Variants in SERPINI2 observed in about 807,000 individuals in gnomAD.
SERPINI2 encodes serpin family I member 2.
A neutral mutation model predicts 47.3 loss-of-function variants in SERPINI2; 48 were observed. That is an observed-to-expected ratio of 1.02 (90% CI 0.81 to 1.29). SERPINI2 has a LOEUF of 1.29. Among genes scored for constraint, SERPINI2 ranks in the 50% most tolerant of loss-of-function variants. The pLI is 0.00. For synonymous variants in SERPINI2, 135 were observed against 149.3 expected, an observed-to-expected ratio of 0.90 and a Z score of 0.70; for missense variants, 448 against 456.9, an observed-to-expected ratio of 0.98 and a Z score of 0.18.
Position 167,450,808 on chromosome 3 carries a change from C to T in SERPINI2, c.965-1406G>A, listed in dbSNP as rs574193360. On this transcript the variant is annotated intron_variant, in intron 6 of 8. Coordinates refer to ENST00000264677, the Ensembl canonical transcript of SERPINI2. Reference sequence around the variant, plus strand: ...GTTAGGAAGGAGTGAAGAATTTCACCCAGTTTAGCAATGGCACCAGCCCAA... The same window carrying T: ...GTTAGGAAGGAGTGAAGAATTTCACTCAGTTTAGCAATGGCACCAGCCCAA... 1.2e-4 allele frequency among the ~76,000 whole-genome samples: 19 copies of T among 152,078 alleles called. No homozygotes were observed. In the South Asian group the frequency reaches 1.7e-3, roughly 13 times the overall value.
upstream of SERPINI2, chr3:167,474,229 C>A: frequency 1.6e-6 from 1 of 608,054 alleles, no homozygotes; most frequent in African/African-American, 2.0e-5. Context: ...GAGAAAAAAA[C>A]AATTATAGAA....
intron 1 of SERPINI2, 113 bp from the exon 2 acceptor site, chr3:167,471,957 A>G (rs540542584): frequency 7.2e-6 from 5 of 696,868 alleles, no homozygotes; most frequent in African/African-American, 3.6e-5. Flanking sequence ...ACTTACTACC[A>G]CAAGTGAACT....
chr3:167,474,109 T>C (rs1321971610), exon 1 of SERPINI2: 2 of 1,003,830 alleles, frequency 2.0e-6, no homozygotes, highest in Non-Finnish European at 2.4e-6. Context: ...TCCATTTATC[T>C]TGACCATTGC....
chr3:167,472,101 A>C (rs1221417328), intron 1 of SERPINI2, among the ~76,000 whole-genome samples: 1 of 152,136 alleles, frequency 6.6e-6, no homozygotes. Context: ...AAGACACTAC[A>C]ATGTTGGAAT....
intron 5 of SERPINI2, among the ~76,000 whole-genome samples, chr3:167,455,328 A>T (rs13064438): frequency 0.5 from 76,279 of 152,108 alleles, 19,200 homozygotes; most frequent in African/African-American, 0.54. Context: ...AGATCTCACA[A>T]AGGGAAAAGC....
intron 2 of SERPINI2, among the ~76,000 whole-genome samples, chr3:167,468,167 G>A (rs1750198720): frequency 6.6e-6 from 1 of 151,858 alleles, no homozygotes; most frequent in Non-Finnish European, 1.5e-5. Flanking sequence ...GGTTCTTTCT[G>A]GGCCTTCATT....
intron 5 of SERPINI2, among the ~76,000 whole-genome samples, chr3:167,457,012 G>A (rs1749812882): frequency 6.6e-6 from 1 of 152,156 alleles, no homozygotes; most frequent in African/African-American, 2.4e-5. Context: ...GTAAGAAAGT[G>A]GCAGGGCTCT....
At chr3:167,456,016 A>G (rs1239705680) in intron 5 of SERPINI2, among the ~76,000 whole-genome samples, 1 of 152,150 alleles carries the variant, frequency 6.6e-6, no homozygotes, top group East Asian at 1.9e-4. Flanking sequence ...TGTACTGTTC[A>G]GAGCTGGAAC....
exon 9 of SERPINI2, chr3:167,442,069 T>A (rs1749343848): frequency 6.7e-7 from 1 of 1,498,958 alleles, no homozygotes; most frequent in African/African-American, 1.4e-5. Flanking sequence ...ATCAGCTATT[T>A]TTGAGAAATC....
At chr3:167,465,624 C>A (rs767801515) in exon 4 of SERPINI2, 6 of 1,612,564 alleles carry the variant, frequency 3.7e-6, no homozygotes, top group Non-Finnish European at 4.2e-6. Flanking sequence ...CCAGGACAAG[C>A]CGAGTCAGAG....
chr3:167,468,555 A>G (rs1002179581), intron 2 of SERPINI2, among the ~76,000 whole-genome samples: 3 of 152,168 alleles, frequency 2.0e-5, no homozygotes, highest in African/African-American at 7.2e-5. Context: ...ATTATATTTC[A>G]AACTCCAGGA....
rs1322107378 is a variant in SERPINI2, at chr3:167,459,107, C to T, written c.867-6074G>A. Among the ~76,000 whole-genome samples, 544 of 148,866 alleles carry T rather than the reference C, an allele frequency of 3.7e-3. 3 individuals are homozygous for T. The highest frequency in any genetic ancestry group is 0.013 in the African/African-American group (515 of 39,872). The stretch of plus-strand genomic sequence containing the variant: ...TTTTTTTTTTTGAGACGGAGTCTCG[C>T]TCTGTCGCCCAGGCTGGAGTGCAGT... On this transcript the variant is annotated intron_variant, in intron 5 of 8. Coordinates refer to ENST00000264677, the Ensembl canonical transcript of SERPINI2.
chr3:167,462,817 G>T (rs1196959484), intron 5 of SERPINI2, among the ~76,000 whole-genome samples: 1 of 152,134 alleles, frequency 6.6e-6, no homozygotes, highest in Non-Finnish European at 1.5e-5. Context: ...GGGAAGTGTG[G>T]CCCTAGAGTG....
intron 5 of SERPINI2, among the ~76,000 whole-genome samples, chr3:167,461,137 C>A (rs1313467336): frequency 6.6e-6 from 1 of 152,054 alleles, no homozygotes; most frequent in African/African-American, 2.4e-5. Flanking sequence ...TGGTCAGACA[C>A]CACAGAGAAG....
intron 1 of SERPINI2, 175 bp downstream of exon 1, chr3:167,473,828 C>A: frequency 7.2e-7 from 1 of 1,386,656 alleles, no homozygotes. Flanking sequence ...ACTGGATCTT[C>A]TGATTTGTGG....
At chr3:167,449,756 G>T (rs997407693) in intron 6 of SERPINI2, among the ~76,000 whole-genome samples, 2 of 152,188 alleles carry the variant, frequency 1.3e-5, no homozygotes, top group Admixed American at 6.5e-5. Flanking sequence ...GCCTCCCAAA[G>T]TTCTGGGATT....
At chr3:167,463,070 A>G (rs1381760885) in intron 5 of SERPINI2, among the ~76,000 whole-genome samples, 1 of 152,142 alleles carries the variant, frequency 6.6e-6, no homozygotes, top group Non-Finnish European at 1.5e-5. Context: ...ACAACTCAAA[A>G]TGGTCAAGTG....
intron 5 of SERPINI2, among the ~76,000 whole-genome samples, chr3:167,463,611 T>G (rs921702395): frequency 6.6e-6 from 1 of 152,188 alleles, no homozygotes; most frequent in East Asian, 1.9e-4. Context: ...TAATAATACT[T>G]TGATCAAGAT....
At chr3:167,453,555 G>C (rs1035937830) in intron 5 of SERPINI2, among the ~76,000 whole-genome samples, 1 of 151,244 alleles carries the variant, frequency 6.6e-6, no homozygotes, top group South Asian at 2.1e-4. Flanking sequence ...GTTCTTTAGT[G>C]TATGGACAGG....
Sources: allele counts gnomAD v4.1 joint callset (sites outside exome capture counted in the v4.1 genomes callset), GRCh38; gene constraint gnomAD v4.1.1; transcripts MANE v1.5; gene names NCBI Gene and HGNC (gene_info 2026-07-23, HGNC 2026-07-21).